The following NAALADL2 variants were observed in gnomAD, a reference collection of about 807,000 sequenced individuals.
NAALADL2 encodes the protein inactive N-acetylated-alpha-linked acidic dipeptidase-like protein 2.
A neutral mutation model predicts 87.2 loss-of-function variants in NAALADL2; 76 were observed. That is an observed-to-expected ratio of 0.87 (90% CI 0.72 to 1.05). The LOEUF (loss-of-function observed/expected upper bound fraction) is 1.05. Ranked by LOEUF, NAALADL2 falls within the 50% of genes least tolerant of loss-of-function variation. The pLI is 0.00. For missense variants in NAALADL2, 1,089 were observed against 945.8 expected, an observed-to-expected ratio of 1.15 and a Z score of -1.99; for synonymous variants, 354 against 331.0, an observed-to-expected ratio of 1.07 and a Z score of -0.75.
intron 2 of NAALADL2, among the ~76,000 whole-genome samples, chr3:174,594,584 C>G (rs1462195567): frequency 2.6e-5 from 4 of 152,144 alleles, no homozygotes; most frequent in Non-Finnish European, 5.9e-5. Flanking sequence ...TCTGAGTGCT[C>G]TTATGCTACT....
At chr3:175,753,035 G>A (rs1212692494) in intron 12 of NAALADL2, among the ~76,000 whole-genome samples, 1 of 152,108 alleles carries the variant, frequency 6.6e-6, no homozygotes, top group African/African-American at 2.4e-5. Context: ...TTATTCAGGA[G>A]CTAGATTTTC....
intron 5 of NAALADL2, among the ~76,000 whole-genome samples, chr3:175,392,539 C>A (rs1177385866): frequency 6.6e-6 from 1 of 152,134 alleles, no homozygotes; most frequent in Non-Finnish European, 1.5e-5. Context: ...AGATGTAATT[C>A]TTGAAAGCAT....
intron 1 of NAALADL2, among the ~76,000 whole-genome samples, chr3:174,883,858 C>G (rs1407806416): frequency 6.6e-6 from 1 of 152,108 alleles, no homozygotes; most frequent in African/African-American, 2.4e-5. Context: ...TTCCCATTGA[C>G]CTTAAACATA....
At chr3:175,761,380 T>A (rs1747987698) in intron 13 of NAALADL2, among the ~76,000 whole-genome samples, 1 of 152,232 alleles carries the variant, frequency 6.6e-6, no homozygotes, top group South Asian at 2.1e-4. Flanking sequence ...TCATTTCTTT[T>A]TATCATTGAC....
chr3:175,044,207 T>C (rs1409958742), intron 1 of NAALADL2, among the ~76,000 whole-genome samples: 21 of 152,268 alleles, frequency 1.4e-4, no homozygotes, highest in Non-Finnish European at 5.9e-5. Context: ...ATTTGTATGT[T>C]AATTTTGAAA....
At chr3:175,510,833 C>T (rs2149393590) in intron 9 of NAALADL2, among the ~76,000 whole-genome samples, 1 of 152,230 alleles carries the variant, frequency 6.6e-6, no homozygotes, top group Middle Eastern at 3.4e-3. Context: ...TTCATCACCC[C>T]TAAAGTCAGG....
chr3:175,011,196 A>G (rs1749732296), intron 1 of NAALADL2, among the ~76,000 whole-genome samples: 1 of 151,856 alleles, frequency 6.6e-6, no homozygotes, highest in Non-Finnish European at 1.5e-5. Flanking sequence ...TGAGGGGCCC[A>G]CAGAAGGGCT....
intron 2 of NAALADL2, among the ~76,000 whole-genome samples, chr3:174,554,719 A>G (rs1712544920): frequency 6.6e-6 from 1 of 152,190 alleles, no homozygotes; most frequent in Non-Finnish European, 1.5e-5. Flanking sequence ...ACACTTCTGT[A>G]TTTATGGTAT....
chr3:175,028,186 C>G (rs1157031897), intron 1 of NAALADL2, among the ~76,000 whole-genome samples: 1 of 152,022 alleles, frequency 6.6e-6, no homozygotes, highest in Non-Finnish European at 1.5e-5. Flanking sequence ...GTCACTGATT[C>G]TTTCTCCTTC....
chr3:174,801,777 T>A (rs1012443087), intron 3 of NAALADL2, among the ~76,000 whole-genome samples: 2 of 138,590 alleles, frequency 1.4e-5, no homozygotes, highest in African/African-American at 5.5e-5. Flanking sequence ...TAAAATATTT[T>A]AATATGATAT....
intron 4 of NAALADL2, among the ~76,000 whole-genome samples, chr3:175,313,949 C>A (rs1205181161): frequency 2.0e-5 from 3 of 151,700 alleles, no homozygotes; most frequent in African/African-American, 2.4e-5. Flanking sequence ...GTAGTCCCAG[C>A]TACTCAGGAG....
intron 2 of NAALADL2, among the ~76,000 whole-genome samples, chr3:174,551,821 T>C (rs1275740356): frequency 6.6e-6 from 1 of 152,234 alleles, no homozygotes; most frequent in Non-Finnish European, 1.5e-5. Flanking sequence ...TTTTTCATGC[T>C]GAGTTTTATT....
chr3:174,610,875 T>C (rs940470311), intron 2 of NAALADL2, among the ~76,000 whole-genome samples: 3 of 152,276 alleles, frequency 2.0e-5, no homozygotes, highest in Admixed American at 6.5e-5. Flanking sequence ...CATATGTTTA[T>C]TGAGGCACTG....
Position 175,737,442 on chromosome 3 carries a change from T to G in NAALADL2, c.1990+43T>G, listed in dbSNP as rs1744647136. On this transcript the variant is annotated intron_variant, in intron 12 of 13. Coordinates refer to ENST00000454872, the MANE Select transcript of NAALADL2 (RefSeq NM_207015.3). Reference sequence around the variant, plus strand: ...TATAGTAATTTTACCAATGAAAAATTGTTCAACTAATTTTCAACAAGGAAT... The same window carrying G: ...TATAGTAATTTTACCAATGAAAAATGGTTCAACTAATTTTCAACAAGGAAT... The G allele has an allele frequency of 4.9e-6, 6 of 1,215,034 alleles. No homozygotes were observed. In the South Asian group the frequency reaches 7.4e-5, roughly 15 times the overall value. 75.3% of individuals were successfully genotyped at this position (1,215,034 alleles called of 1,614,324 possible).
intron 2 of NAALADL2, among the ~76,000 whole-genome samples, chr3:174,657,285 T>A (rs1725054696): frequency 6.6e-6 from 1 of 151,862 alleles, no homozygotes; most frequent in Non-Finnish European, 1.5e-5. Context: ...GTAGGTAGGA[T>A]TACAGGAACC....
intron 1 of NAALADL2, among the ~76,000 whole-genome samples, chr3:174,448,211 C>T (rs1715201153): frequency 1.3e-5 from 2 of 152,140 alleles, no homozygotes; most frequent in African/African-American, 2.4e-5. Flanking sequence ...ACCAGTTTCT[C>T]CCACTGGCTA....
At chr3:175,779,051 A>C (rs1219121995) in intron 13 of NAALADL2, among the ~76,000 whole-genome samples, 2 of 152,218 alleles carry the variant, frequency 1.3e-5, no homozygotes, top group Non-Finnish European at 2.9e-5. Flanking sequence ...AAAAGCGGCA[A>C]GACAGAGGGG....
chr3:174,996,261 G>A, intron 1 of NAALADL2, among the ~76,000 whole-genome samples: 1 of 152,154 alleles, frequency 6.6e-6, no homozygotes, highest in Non-Finnish European at 1.5e-5. Context: ...ACTTTGGGAG[G>A]CTGAGGCAGG....
At chr3:175,690,694 CT>C in intron 11 of NAALADL2, among the ~76,000 whole-genome samples, 1 of 151,942 alleles carries the variant, frequency 6.6e-6, no homozygotes, top group Middle Eastern at 3.4e-3. Flanking sequence ...GTTTAGGAAC[CT>C]TTAGAATTTA....
Sources: gnomAD v4.1 joint callset for allele counts (sites outside exome capture counted in the v4.1 genomes callset) on GRCh38, gnomAD v4.1.1 for gene constraint, MANE v1.5 for transcripts, NCBI Gene and HGNC (gene_info 2026-07-23, HGNC 2026-07-21) for gene names.